FAM135B: variants seen among roughly 807,000 people sequenced by gnomAD.
The protein encoded by FAM135B is protein FAM135B.
FAM135B carries 43 observed loss-of-function variants against 127.7 expected under a neutral mutation model. That is an observed-to-expected ratio of 0.34 (90% CI 0.26 to 0.43). The LOEUF (loss-of-function observed/expected upper bound fraction) is 0.43, where lower values mean the gene tolerates loss of function less well. Among genes scored for constraint, FAM135B ranks in the 20% least tolerant of loss-of-function variants. The probability of loss-of-function intolerance (pLI) is 1.00; values close to 1 mark genes in which losing one functional copy is unlikely to be tolerated. For synonymous variants in FAM135B, 670 were observed against 665.1 expected (o/e 1.01, Z -0.11); for missense variants, 1,558 against 1,725.6 (o/e 0.90, Z 1.72).
At chr8:138,308,708 C>T (rs1038048102) in intron 3 of FAM135B, among the ~76,000 whole-genome samples, 1 of 152,118 alleles carries the variant, frequency 6.6e-6, no homozygotes, top group African/African-American at 2.4e-5. Flanking sequence ...TGGGCTCTGC[C>T]AACCACTGAG....
intron 9 of FAM135B, among the ~76,000 whole-genome samples, chr8:138,186,776 C>T (rs1182175278): frequency 6.6e-6 from 1 of 152,104 alleles, no homozygotes; most frequent in Non-Finnish European, 1.5e-5. Context: ...ATTAGTTGAC[C>T]TCTCATAAAA....
intron 14 of FAM135B, among the ~76,000 whole-genome samples, chr8:138,146,633 T>C: frequency 6.6e-6 from 1 of 151,916 alleles, no homozygotes; most frequent in Admixed American, 6.6e-5. Context: ...GAATGAAAGG[T>C]TAAGAATGCA....
intron 7 of FAM135B, among the ~76,000 whole-genome samples, chr8:138,205,488 A>G (rs1194435873): frequency 6.6e-6 from 1 of 152,206 alleles, no homozygotes; most frequent in African/African-American, 2.4e-5. Context: ...CAGCTTCATC[A>G]ATTACAAAGA....
chr8:138,477,702 GC>G (rs1814566876), intron 1 of FAM135B, among the ~76,000 whole-genome samples: 1 of 152,194 alleles, frequency 6.6e-6, no homozygotes, highest in African/African-American at 2.4e-5. Context: ...TTCCTCAGAT[GC>G]CCTTTTGGTC....
At chr8:138,203,501 T>A (rs1380547307) in intron 7 of FAM135B, among the ~76,000 whole-genome samples, 3 of 152,198 alleles carry the variant, frequency 2.0e-5, no homozygotes, top group South Asian at 2.1e-4. Flanking sequence ...ATTAAACATA[T>A]CCATCTAACG....
chr8:138,249,103 CTA>C (rs1243848215), intron 6 of FAM135B, among the ~76,000 whole-genome samples: 1 of 152,142 alleles, frequency 6.6e-6, no homozygotes, highest in Non-Finnish European at 1.5e-5. Flanking sequence ...AGACAGCCTG[CTA>C]ATCCCAGGAC....
In FAM135B at chr8:138,426,058, T is replaced by TAC. The variant is rs1391067924; in HGVS notation, c.-19-58057_-19-58056insGT. Among the ~76,000 whole-genome samples the TAC allele has an allele frequency of 2.4e-3, 178 of 75,336 alleles. 4 individuals carry two copies. The highest frequency in any genetic ancestry group is 3.0e-3 in the South Asian group (9 of 2,962). The allele number at this position is 75,336 out of a possible 152,430, so 49.4% of individuals were successfully genotyped here. On this transcript the variant is annotated intron_variant, in intron 1 of 19. Coordinates refer to ENST00000395297, the MANE Select transcript of FAM135B (RefSeq NM_015912.4). ...ACACACACACACACACACATATATA[T>TAC]ATACACACACACACATATATAAAAT... is the stretch of plus-strand genomic sequence containing the variant.
chr8:138,254,846 T>C (rs1186543161), intron 5 of FAM135B, among the ~76,000 whole-genome samples: 1 of 152,066 alleles, frequency 6.6e-6, no homozygotes, highest in Non-Finnish European at 1.5e-5. Flanking sequence ...CATCAGCGGA[T>C]GCCCCTTCTC....
rs887918611 is a variant in FAM135B at position 138,243,712 on chromosome 8, G to A, written c.543-644C>T. 2.0e-5 allele frequency among the ~76,000 whole-genome samples: 3 copies of A among 152,154 alleles called. No homozygotes were observed. The highest frequency in any genetic ancestry group is 7.2e-5 in the African/African-American group (3 of 41,432). On this transcript the variant is annotated intron_variant, in intron 6 of 19. Transcript: ENST00000395297. This position sits in a 1 kb window ranked among gnomAD's most constrained non-coding sequence, Gnocchi z 7.5. The stretch of plus-strand genomic sequence containing the variant: ...TCAATTTCAGGATCAAAGGAGATTA[G>A]GAAAAGATGTGTGATTATTCAAATT...
chr8:138,215,292 AAATTAGAT>A (rs1353076073), intron 7 of FAM135B, among the ~76,000 whole-genome samples: 2 of 152,234 alleles, frequency 1.3e-5, no homozygotes, highest in African/African-American at 2.4e-5. Flanking sequence ...AGTGAAGAGC[AAATTAGAT>A]AACGTGTGCA....
intron 2 of FAM135B, among the ~76,000 whole-genome samples, chr8:138,314,365 A>C (rs999435139): frequency 1.3e-5 from 2 of 152,166 alleles, no homozygotes; most frequent in Non-Finnish European, 2.9e-5. Flanking sequence ...ACTACTGTAA[A>C]TATTGAGAAT....
chr8:138,420,986 C>T (rs1437875692), intron 1 of FAM135B, among the ~76,000 whole-genome samples: 1 of 152,180 alleles, frequency 6.6e-6, no homozygotes, highest in Non-Finnish European at 1.5e-5. Flanking sequence ...GCTCAAAGTA[C>T]TAGCCAGAGC....
At chr8:138,377,761 C>T (rs990448015) in intron 1 of FAM135B, among the ~76,000 whole-genome samples, 1 of 152,222 alleles carries the variant, frequency 6.6e-6, no homozygotes. Context: ...TGAGAATGTG[C>T]TGCCTTTTCT....
intron 3 of FAM135B, among the ~76,000 whole-genome samples, chr8:138,305,849 C>T (rs1469397114): frequency 6.6e-6 from 1 of 151,948 alleles, no homozygotes; most frequent in East Asian, 1.9e-4. Flanking sequence ...CATATATATA[C>T]ATGTATATAT....
At chr8:138,494,849 A>AAAC (rs1554706390) in intron 1 of FAM135B, among the ~76,000 whole-genome samples, 3,036 of 150,060 alleles carry the variant, frequency 0.02, 50 homozygotes, top group African/African-American at 0.043. Context: ...AAAAAAAAAA[A>AAAC]AAACTTAATC....
At chr8:138,321,263 T>C (rs1479359891) in intron 2 of FAM135B, among the ~76,000 whole-genome samples, 1 of 152,160 alleles carries the variant, frequency 6.6e-6, no homozygotes, top group African/African-American at 2.4e-5. Context: ...TATAATGTCT[T>C]CATTGCTATT....
intron 2 of FAM135B, among the ~76,000 whole-genome samples, chr8:138,338,259 G>A: frequency 6.7e-6 from 1 of 149,664 alleles, no homozygotes; most frequent in East Asian, 2.0e-4. Flanking sequence ...ATTGACAAAT[G>A]GGTTCTAATT....
At position 138,367,921 on chromosome 8, in the gene FAM135B, A is replaced by T; in HGVS notation, c.63T>A (p.Asp21Glu). Residue 21 changes from aspartate (D) to glutamate (E), a missense_variant, in exon 2 of 20, where the codon GAT becomes GAA. This residue lies in a region of FAM135B where 199 missense variants were observed against 245.7 expected (regional missense o/e 0.81). Coordinates refer to ENST00000395297, the MANE Select transcript of FAM135B (RefSeq NM_015912.4). ...SVELHKFYNVDLFQRGYYQIR... is the reference protein window; with the variant it reads ...SVELHKFYNVELFQRGYYQIR... ...AGCATACTTACCCTCTCTGAAAGAG[A>T]TCCACATTATAAAATTTATGTAGCT... is the stretch of plus-strand genomic sequence containing the variant. The T allele has an allele frequency of 1.2e-6, 2 of 1,612,074 alleles. No homozygotes were observed. The highest frequency in any genetic ancestry group is 1.7e-6 in the Non-Finnish European group (2 of 1,178,456).
intron 7 of FAM135B, among the ~76,000 whole-genome samples, chr8:138,205,448 C>G (rs147546630): frequency 0.012 from 1,761 of 152,278 alleles, 40 homozygotes; most frequent in African/African-American, 0.04. Context: ...ACTTCTAACT[C>G]AGGCCAGGGT....
Sources: gnomAD v4.1 joint callset for allele counts (sites outside exome capture counted in the v4.1 genomes callset) on GRCh38, gnomAD v4.1.1 for gene constraint, gnomAD v4.1.1 regional missense constraint, Gnocchi (gnomAD v3.1) non-coding constraint, MANE v1.5 for transcripts, NCBI Gene and HGNC (gene_info 2026-07-23, HGNC 2026-07-21) for gene names.